MEX3D: variants seen among roughly 807,000 people sequenced by gnomAD.
The protein encoded by MEX3D is mex-3 RNA binding family member D, also known as RNA-binding protein MEX3D.
Under a neutral mutation model 6.3 loss-of-function variants are expected in MEX3D, and 4 were observed. The ratio of observed to expected loss-of-function variants is 0.64; its 90% CI spans 0.31 to 1.46. The LOEUF (loss-of-function observed/expected upper bound fraction) is 1.46, where lower values mean the gene tolerates loss of function less well. Ranked by LOEUF, MEX3D falls within the 40% of genes most tolerant of loss-of-function variation. The pLI is 0.07. For missense variants in MEX3D, 1,038 were observed against 994.4 expected, an observed-to-expected ratio of 1.04 and a Z score of -0.59; for synonymous variants, 626 against 494.1, an observed-to-expected ratio of 1.27 and a Z score of -3.54.
Position 1,555,365 on chromosome 19 carries a change from G to C in MEX3D, c.*198C>G, listed in dbSNP as rs1914490231. ...TCGTTGAAGGGCTGAGGCGCCGCCG[G>C]GCTGCGGGGTCTCCGTCTCCACGCC... On this transcript the variant is annotated 3_prime_UTR_variant, in exon 2 of 2. Coordinates refer to ENST00000402693, the MANE Select transcript of MEX3D (RefSeq NM_203304.4). 6.2e-7 allele frequency: 1 copy of C among 1,602,186 alleles called. No individual in the cohort carries two copies. Among genetic ancestry groups the C allele is most frequent in the African/African-American group, 1.3e-5 (1 of 74,438 alleles).
chr19:1,565,589 T>C (rs965482319), intron 1 of MEX3D, among the ~76,000 whole-genome samples: 5 of 152,134 alleles, frequency 3.3e-5, no homozygotes, highest in African/African-American at 7.2e-5. Flanking sequence ...TCCTCTACCC[T>C]AATGGAGGTG....
chr19:1,560,593 G>A (rs947260538), intron 1 of MEX3D, among the ~76,000 whole-genome samples: 15 of 152,328 alleles, frequency 9.8e-5, no homozygotes, highest in African/African-American at 2.9e-4. Flanking sequence ...AAATTTGGGA[G>A]ATGGAGGTGG....
At position 1,556,201 on chromosome 19, in the gene MEX3D, CG is replaced by C; in HGVS notation, c.1317del (p.Gly440ValfsTer25). On this transcript the variant is annotated frameshift_variant, in exon 2 of 2. Coordinates refer to ENST00000402693, the MANE Select transcript of MEX3D (RefSeq NM_203304.4). LOFTEE classifies it low-confidence loss of function (END_TRUNC). This position sits in a 1 kb window ranked among gnomAD's most constrained non-coding sequence, Gnocchi z 7.5. ...NGGFAFGAEG[P>X]GAPVGTAAPD... ...GGGGCGGCCGTCCCCACCGGGGCACCGGGACCCTCCGCGCCGAAGGCGAAGC... is the reference window on the plus strand; with the variant it reads ...GGGGCGGCCGTCCCCACCGGGGCACCGGACCCTCCGCGCCGAAGGCGAAGC... 1 of 1,441,904 alleles carries C rather than the reference CG, an allele frequency of 6.9e-7. No individual in the cohort carries two copies. The highest frequency in any genetic ancestry group is 2.4e-5 in the Admixed American group (1 of 42,456). 89.3% of individuals were successfully genotyped at this position (1,441,904 alleles called of 1,614,324 possible).
In MEX3D at chr19:1,567,931, G is replaced by GCGGCCT. The variant is rs1205964052; in HGVS notation, c.122_127dup (p.Glu41_Ala42dup). ...TTCGGGCGGCGGCCGGGGCGCGGGC[G>GCGGCCT]CGGCCTCCTGGGCGCCCTCGGGCGG... On this transcript the variant is annotated inframe_insertion, in exon 1 of 2. Coordinates refer to ENST00000402693, the MANE Select transcript of MEX3D (RefSeq NM_203304.4). This position sits in a 1 kb window ranked among gnomAD's most constrained non-coding sequence, Gnocchi z 6.5. The GCGGCCT allele has an allele frequency of 2.8e-5, 27 of 978,502 alleles. No homozygotes were observed. The highest frequency in any genetic ancestry group is 1.3e-4 in the Admixed American group (2 of 15,604). The allele number at this position is 978,502 out of a possible 1,614,324, so 60.6% of individuals were successfully genotyped here.
chr19:1,554,769 T>C lies in MEX3D; in HGVS notation c.*794A>G, dbSNP rs1397540289. The C allele has an allele frequency of 6.6e-6, 1 of 152,428 alleles. No homozygotes were observed. The highest frequency in any genetic ancestry group is 1.5e-5 in the Non-Finnish European group (1 of 68,024). The allele number at this position is 152,428 out of a possible 1,614,324, so 9.4% of individuals were successfully genotyped here. A position where few individuals can be genotyped will look rare whatever the true frequency, so the allele number is the denominator to read the frequency against. The stretch of plus-strand genomic sequence containing the variant: ...AACCCTTAAATCAGCTCAGCAAATA[T>C]ATAATCAGTAATTTAGCTGTGTAAG... On this transcript the variant is annotated 3_prime_UTR_variant, in exon 2 of 2. Transcript: ENST00000402693.
Position 1,567,425 on chromosome 19 carries a change from G to C in MEX3D, c.595+39C>G, listed in dbSNP as rs755383447. 2 of 1,534,400 alleles carry C rather than the reference G, an allele frequency of 1.3e-6. No homozygotes were observed. Among genetic ancestry groups the C allele is most frequent in the African/African-American group, 1.4e-5 (1 of 69,642 alleles). On this transcript the variant is annotated intron_variant, in intron 1 of 1. Coordinates refer to ENST00000402693, the MANE Select transcript of MEX3D (RefSeq NM_203304.4). The surrounding 1 kb of genome is among the most constrained non-coding windows in gnomAD (Gnocchi z 6.5). The stretch of plus-strand genomic sequence containing the variant: ...CCCTTCCCCGGGGCGGACGGTGCGG[G>C]GACCCCCAGGACAGCAACCCCCGAC...
intron 1 of MEX3D, among the ~76,000 whole-genome samples, chr19:1,563,165 T>C (rs770391434): frequency 1.3e-5 from 2 of 152,116 alleles, no homozygotes; most frequent in Non-Finnish European, 2.9e-5. Context: ...AGGAAAACCA[T>C]GGCATGGTCC....
chr19:1,557,052 T>C, intron 1 of MEX3D, 129 bp from the exon 2 acceptor site: 1 of 1,131,908 alleles, frequency 8.8e-7, no homozygotes, highest in Non-Finnish European at 1.2e-6. Context: ...CAACACTTTA[T>C]CCTCAGACAC....
At chr19:1,558,400 A>G (rs1338491875) in intron 1 of MEX3D, among the ~76,000 whole-genome samples, 1 of 151,658 alleles carries the variant, frequency 6.6e-6, no homozygotes, top group Non-Finnish European at 1.5e-5. Context: ...AGACACACAC[A>G]CACAGAGAAG....
chr19:1,555,362 C>A lies in MEX3D; in HGVS notation c.*201G>T. ...CTGTCGTTGAAGGGCTGAGGCGCCGCCGGGCTGCGGGGTCTCCGTCTCCAC... is the reference window on the plus strand; with the variant it reads ...CTGTCGTTGAAGGGCTGAGGCGCCGACGGGCTGCGGGGTCTCCGTCTCCAC... On this transcript the variant is annotated 3_prime_UTR_variant, in exon 2 of 2. Coordinates refer to ENST00000402693, the MANE Select transcript of MEX3D (RefSeq NM_203304.4). The A allele has an allele frequency of 6.2e-7, 1 of 1,602,104 alleles. No individual in the cohort carries two copies. The highest frequency in any genetic ancestry group is 8.5e-7 in the Non-Finnish European group (1 of 1,174,176).
rs1479075737 is a variant in MEX3D at position 1,567,224 on chromosome 19, CCAGA to C, written c.595+236_595+239del. Reference sequence around the variant, plus strand: ...GGAGCCTTTCCGGGCTGGAGGCGGCCCAGACAAAGGCGGCGGCGGGGCCGGAGCG... The same window carrying C: ...GGAGCCTTTCCGGGCTGGAGGCGGCCCAAAGGCGGCGGCGGGGCCGGAGCG... On this transcript the variant is annotated intron_variant, in intron 1 of 1. Coordinates refer to ENST00000402693, the MANE Select transcript of MEX3D (RefSeq NM_203304.4). This position sits in a 1 kb window ranked among gnomAD's most constrained non-coding sequence, Gnocchi z 6.5. Among the ~76,000 whole-genome samples the C allele has an allele frequency of 2.0e-5, 3 of 151,900 alleles. No homozygotes were observed. Among genetic ancestry groups the C allele is most frequent in the African/African-American group, 4.8e-5 (2 of 41,426 alleles).
intron 1 of MEX3D, among the ~76,000 whole-genome samples, chr19:1,558,958 C>T (rs1340502677): frequency 1.3e-5 from 2 of 151,864 alleles, no homozygotes; most frequent in African/African-American, 4.8e-5. Context: ...GACATCCCTA[C>T]CCCACCCCTG....
intron 1 of MEX3D, among the ~76,000 whole-genome samples, chr19:1,566,863 C>T (rs955936102): frequency 6.6e-6 from 1 of 152,148 alleles, no homozygotes; most frequent in East Asian, 1.9e-4. Context: ...AGGCTGCACC[C>T]CAGAAGTGGC....
At position 1,567,804 on chromosome 19, in the gene MEX3D, G is replaced by A. The variant is rs991275676; in HGVS notation, c.255C>T (p.Asp85=). ...CCGCGCCCCCCGCCGCCGCTGCGCC[G>A]TCCCCGGCCGCCCCCTCCTCGTCCG... is the stretch of plus-strand genomic sequence containing the variant. ...GDTDEEGAAG[D]GAAAAGGADG... Residue 85 remains aspartate (D), a synonymous_variant, in exon 1 of 2, where the codon GAC becomes GAT. Coordinates refer to ENST00000402693, the MANE Select transcript of MEX3D (RefSeq NM_203304.4). The surrounding 1 kb of genome is among the most constrained non-coding windows in gnomAD (Gnocchi z 6.5). 6.5e-5 allele frequency: 61 copies of A among 945,450 alleles called. No individual in the cohort carries two copies. Among genetic ancestry groups the A allele is most frequent in the Non-Finnish European group, 7.4e-5 (59 of 796,654 alleles). 58.6% of individuals were successfully genotyped at this position (945,450 alleles called of 1,614,324 possible).
In MEX3D at chr19:1,567,747, G is replaced by T; in HGVS notation, c.312C>A (p.Pro104=). 1.0e-6 allele frequency: 1 copy of T among 968,112 alleles called. No homozygotes were observed. Among genetic ancestry groups the T allele is most frequent in the Admixed American group, 5.9e-5 (1 of 16,938 alleles). The allele number at this position is 968,112 out of a possible 1,614,324, so 60.0% of individuals were successfully genotyped here. A position where few individuals can be genotyped will look rare whatever the true frequency, so the allele number is the denominator to read the frequency against. ...DGGAAPEPVP[P]DGPEAGAPPT... ...GGGGCGCGCCGGCCTCAGGTCCGTC[G>T]GGGGGCACAGGCTCCGGAGCCGCCC... is the stretch of plus-strand genomic sequence containing the variant. The change falls in exon 1 of 2, where the codon CCC becomes CCA. Residue 104 remains proline, a synonymous_variant. Transcript: ENST00000402693. This position sits in a 1 kb window ranked among gnomAD's most constrained non-coding sequence, Gnocchi z 6.5.
rs765387443 is a variant in MEX3D, at chr19:1,555,310, G to T, written c.*253C>A. On this transcript the variant is annotated 3_prime_UTR_variant, in exon 2 of 2. Transcript: ENST00000402693. ...AAGTGCAAGCGGACCTTTTCTCTCC[G>T]GTTTATTGTAACCTGACCACTCAAT... 1.9e-6 allele frequency: 3 copies of T among 1,589,906 alleles called. No homozygotes were observed. The highest frequency in any genetic ancestry group is 2.6e-6 in the Non-Finnish European group (3 of 1,165,816).
Position 1,568,280 on chromosome 19 carries a change from G to GCGGCGA in MEX3D, c.-228_-223dup, listed in dbSNP as rs1296695177. 4.9e-5 allele frequency among the ~76,000 whole-genome samples: 7 copies of GCGGCGA among 141,846 alleles called. No homozygotes were observed. Among genetic ancestry groups the GCGGCGA allele is most frequent in the Non-Finnish European group, 1.1e-4 (7 of 64,094 alleles). 93.1% of individuals were successfully genotyped at this position (141,846 alleles called of 152,430 possible). On this transcript the variant is annotated 5_prime_UTR_variant, in exon 1 of 2. Coordinates refer to ENST00000402693, the MANE Select transcript of MEX3D (RefSeq NM_203304.4). The stretch of plus-strand genomic sequence containing the variant: ...CGACTCTGGCTGCGGCTCGGCGGCG[G>GCGGCGA]CGGCGACGGCGGCGGCGGCTCCTCG...
chr19:1,558,972 C>A (rs377708187), intron 1 of MEX3D, among the ~76,000 whole-genome samples: 6 of 151,822 alleles, frequency 4.0e-5, no homozygotes, highest in East Asian at 1.9e-4. Context: ...ACCCCTGGGG[C>A]CTTAATGGTT....
chr19:1,557,580 G>C (rs1470258042), intron 1 of MEX3D, among the ~76,000 whole-genome samples: 1 of 142,494 alleles, frequency 7.0e-6, no homozygotes, highest in Non-Finnish European at 1.5e-5. Context: ...AAAAAAAAAA[G>C]CGGGGTGCAG....
Sources: gnomAD v4.1 joint callset for allele counts (sites outside exome capture counted in the v4.1 genomes callset) on GRCh38, gnomAD v4.1.1 for gene constraint, Gnocchi (gnomAD v3.1) non-coding constraint, MANE v1.5 for transcripts, NCBI Gene and HGNC (gene_info 2026-07-23, HGNC 2026-07-21) for gene names.